The following TAFA4 variants were observed in gnomAD, a reference collection of about 807,000 sequenced individuals.
The protein encoded by TAFA4 is TAFA chemokine like family member 4, also known as chemokine-like protein TAFA-4.
Under a neutral mutation model 21.1 loss-of-function variants are expected in TAFA4, and 20 were observed. The ratio of observed to expected loss-of-function variants is 0.95; its 90% CI spans 0.67 to 1.38. TAFA4 has a LOEUF of 1.38. Among genes scored for constraint, TAFA4 ranks in the 40% most tolerant of loss-of-function variants. TAFA4 has a pLI of 0.00. For synonymous variants in TAFA4, 71 were observed against 67.4 expected (o/e 1.05, Z -0.26); for missense variants, 211 against 180.9 (o/e 1.17, Z -0.95).
At chr3:68,750,551 A>T (rs1702541736) in intron 4 of TAFA4, among the ~76,000 whole-genome samples, 1 of 152,212 alleles carries the variant, frequency 6.6e-6, no homozygotes, top group Non-Finnish European at 1.5e-5. Context: ...TATACAGAAA[A>T]ATATATTGAC....
At chr3:68,838,261 A>T (rs1704569338) in intron 3 of TAFA4, among the ~76,000 whole-genome samples, 1 of 152,194 alleles carries the variant, frequency 6.6e-6, no homozygotes, top group African/African-American at 2.4e-5. Flanking sequence ...GTAATGATTC[A>T]TGGTGCCTCC....
At chr3:68,831,706 T>C (rs894200697) in intron 3 of TAFA4, among the ~76,000 whole-genome samples, 12 of 152,196 alleles carry the variant, frequency 7.9e-5, no homozygotes, top group African/African-American at 2.9e-4. Flanking sequence ...GTTCTCTGTA[T>C]TTCCTGAATT....
chr3:68,783,673 CAGAGAGAGAG>C lies in TAFA4; in HGVS notation c.131-30665_131-30656del, dbSNP rs1163439201. On this transcript the variant is annotated intron_variant, in intron 3 of 5. Transcript: ENST00000295569. ...AAGAAAAATCACAGACACACACACACAGAGAGAGAGAGAGAGAGAGAGAGAGAGAGAGAGA... is the reference window on the plus strand; with the variant it reads ...AAGAAAAATCACAGACACACACACACAGAGAGAGAGAGAGAGAGAGAGAGA... Among the ~76,000 whole-genome samples the C allele has an allele frequency of 5.9e-3, 510 of 86,198 alleles. 7 individuals carry two copies. Among genetic ancestry groups the C allele is most frequent in the African/African-American group, 0.024 (473 of 20,032 alleles). 56.5% of individuals were successfully genotyped at this position (86,198 alleles called of 152,430 possible). A position where few individuals can be genotyped will look rare whatever the true frequency, so the allele number is the denominator to read the frequency against.
At chr3:68,749,034 C>T (rs1204584533) in intron 4 of TAFA4, among the ~76,000 whole-genome samples, 1 of 152,184 alleles carries the variant, frequency 6.6e-6, no homozygotes, top group Non-Finnish European at 1.5e-5. Flanking sequence ...AAGAAGAATG[C>T]TTACCAGCTG....
rs572828702 is a variant in TAFA4 at position 68,880,440 on chromosome 3, G to A, written c.130+290C>T. 7.3e-5 allele frequency among the ~76,000 whole-genome samples: 11 copies of A among 150,586 alleles called. No homozygotes were observed. In the East Asian group the frequency reaches 7.7e-4, roughly 11 times the overall value. ...GACATGTATGCACACACACACACAC[G>A]CCAACCACACAAATTGCTGATGGTT... On this transcript the variant is annotated intron_variant, in intron 3 of 5. Coordinates refer to ENST00000295569, the MANE Select transcript of TAFA4 (RefSeq NM_182522.5).
intron 3 of TAFA4, among the ~76,000 whole-genome samples, chr3:68,839,241 A>G (rs1046828155): frequency 6.6e-6 from 1 of 150,738 alleles, no homozygotes; most frequent in Non-Finnish European, 1.5e-5. Context: ...ATAAAAAATG[A>G]TAGGAGAGAA....
intron 5 of TAFA4, among the ~76,000 whole-genome samples, chr3:68,738,004 C>G (rs942126851): frequency 3.9e-5 from 6 of 152,118 alleles, no homozygotes; most frequent in African/African-American, 1.2e-4. Flanking sequence ...AAAACAAAGC[C>G]AGGGCCCAAC....
rs183812607 is a variant in TAFA4, at chr3:68,836,088, G to A, written c.130+44642C>T. ...TCAATCTCATGAAGTATTCTAAAATGAGAAACTACAGAGAAGAAAGAAGAA... is the reference window on the plus strand; with the variant it reads ...TCAATCTCATGAAGTATTCTAAAATAAGAAACTACAGAGAAGAAAGAAGAA... On this transcript the variant is annotated intron_variant, in intron 3 of 5. Coordinates refer to ENST00000295569, the MANE Select transcript of TAFA4 (RefSeq NM_182522.5). Among the ~76,000 whole-genome samples, 167 of 152,330 alleles carry A rather than the reference G, an allele frequency of 1.1e-3. 2 individuals are homozygous for A. Among genetic ancestry groups the A allele is most frequent in the Non-Finnish European group, 2.1e-3 (143 of 68,036 alleles).
chr3:68,769,621 C>T (rs1332724945), intron 3 of TAFA4, among the ~76,000 whole-genome samples: 1 of 152,126 alleles, frequency 6.6e-6, no homozygotes, highest in Non-Finnish European at 1.5e-5. Context: ...GGATACGCTA[C>T]CATACCCAGA....
chr3:68,843,494 T>A (rs1386565439), intron 3 of TAFA4, among the ~76,000 whole-genome samples: 1 of 152,208 alleles, frequency 6.6e-6, no homozygotes, highest in Non-Finnish European at 1.5e-5. Context: ...TTCTCCCTAT[T>A]TGAATACCCT....
chr3:68,755,093 C>T lies in TAFA4; in HGVS notation c.131-2075G>A, dbSNP rs145086984. On this transcript the variant is annotated intron_variant, in intron 3 of 5. Coordinates refer to ENST00000295569, the MANE Select transcript of TAFA4 (RefSeq NM_182522.5). ...AGCAAATAGGTCAAGGAAGTATGTGCGCAGGTACATCGACATCTCCGATTC... is the reference window on the plus strand; with the variant it reads ...AGCAAATAGGTCAAGGAAGTATGTGTGCAGGTACATCGACATCTCCGATTC... Among the ~76,000 whole-genome samples, 425 of 152,266 alleles carry T rather than the reference C, an allele frequency of 2.8e-3. 1 individual carries two copies. Among genetic ancestry groups the T allele is most frequent in the African/African-American group, 9.6e-3 (401 of 41,556 alleles).
intron 1 of TAFA4, among the ~76,000 whole-genome samples, chr3:68,921,579 G>A (rs1389629899): frequency 6.6e-6 from 1 of 152,090 alleles, no homozygotes; most frequent in Non-Finnish European, 1.5e-5. Flanking sequence ...ACCCCCTCAA[G>A]TCCTATAACT....
At chr3:68,929,603 G>A (rs2090141248) in intron 1 of TAFA4, among the ~76,000 whole-genome samples, 1 of 152,202 alleles carries the variant, frequency 6.6e-6, no homozygotes, top group Admixed American at 6.5e-5. Context: ...CAAAAGATTA[G>A]TCCATTTACT....
chr3:68,762,409 A>G (rs1436099840), intron 3 of TAFA4, among the ~76,000 whole-genome samples: 6 of 152,184 alleles, frequency 3.9e-5, no homozygotes, highest in African/African-American at 9.7e-5. Flanking sequence ...ATTACAACAT[A>G]TGTGTATGCT....
At chr3:68,897,404 A>AGAT (rs142839095) in intron 1 of TAFA4, among the ~76,000 whole-genome samples, 1 of 151,774 alleles carries the variant, frequency 6.6e-6, no homozygotes, top group Admixed American at 6.6e-5. Flanking sequence ...AGGGGGGCAG[A>AGAT]CACCTGAGAT....
chr3:68,791,742 T>C (rs1429391319), intron 3 of TAFA4, among the ~76,000 whole-genome samples: 1 of 152,102 alleles, frequency 6.6e-6, no homozygotes, highest in Non-Finnish European at 1.5e-5. Context: ...ACAAGGTAAA[T>C]AAGAAAGGCA....
chr3:68,858,758 C>G (rs1401521867), intron 3 of TAFA4, among the ~76,000 whole-genome samples: 1 of 152,014 alleles, frequency 6.6e-6, no homozygotes, highest in Non-Finnish European at 1.5e-5. Context: ...CTGTGCAGAA[C>G]CAGCACTTGA....
At chr3:68,815,541 C>T (rs1015277859) in intron 3 of TAFA4, among the ~76,000 whole-genome samples, 2 of 152,166 alleles carry the variant, frequency 1.3e-5, no homozygotes, top group African/African-American at 4.8e-5. Flanking sequence ...GACATTTATG[C>T]AGCCAAAAGA....
chr3:68,875,112 T>A (rs1490744934), intron 3 of TAFA4, among the ~76,000 whole-genome samples: 2 of 151,840 alleles, frequency 1.3e-5, no homozygotes, highest in Non-Finnish European at 2.9e-5. Context: ...GAAATGGAGG[T>A]CACCTTGACA....
Sources: allele counts gnomAD v4.1 joint callset (sites outside exome capture counted in the v4.1 genomes callset), GRCh38; gene constraint gnomAD v4.1.1; transcripts MANE v1.5; gene names NCBI Gene and HGNC (gene_info 2026-07-23, HGNC 2026-07-21).